Variants in PPP2CA observed in about 807,000 individuals in gnomAD.
The protein encoded by PPP2CA is protein phosphatase 2 catalytic subunit alpha, also known as serine/threonine-protein phosphatase 2A catalytic subunit alpha isoform.
In PPP2CA, 5 loss-of-function variants were observed where a neutral mutation model predicts 38.8. The ratio of observed to expected loss-of-function variants is 0.13; its 90% CI spans 0.07 to 0.27. PPP2CA has a LOEUF of 0.27. PPP2CA is among the 10% of genes least tolerant of loss of function. PPP2CA has a pLI of 1.00. For synonymous variants in PPP2CA, 152 were observed against 134.0 expected, an observed-to-expected ratio of 1.13 and a Z score of -0.93; for missense variants, 88 against 389.7, an observed-to-expected ratio of 0.23 and a Z score of 6.52.
intron 5 of PPP2CA, 143 bp downstream of exon 5, chr5:134,200,192 G>T: frequency 1.2e-6 from 1 of 852,832 alleles, no homozygotes; most frequent in Non-Finnish European, 1.7e-6. Flanking sequence ...TGCATCTACT[G>T]AAAAGGCTCA....
intron 1 of PPP2CA, among the ~76,000 whole-genome samples, chr5:134,218,273 G>A (rs1295062587): frequency 1.3e-5 from 2 of 152,112 alleles, no homozygotes; most frequent in Admixed American, 1.3e-4. Flanking sequence ...CTAAGGCTTA[G>A]GACCTAAATA....
At chr5:134,201,756 G>A in intron 3 of PPP2CA, 92 bp downstream of exon 3, 1 of 1,322,958 alleles carries the variant, frequency 7.6e-7, no homozygotes, top group Admixed American at 2.8e-5. Flanking sequence ...ATCCCCAAAG[G>A]GGTGTTAAGA....
Position 134,199,168 on chromosome 5 carries a change from T to C in PPP2CA, c.775A>G (p.Ile259Val). ...TAACAATAGTTTGGAGCACTGAAAATCGTTACTACATTCCGGTCATGGCAC... is the reference window on the plus strand; with the variant it reads ...TAACAATAGTTTGGAGCACTGAAAACCGTTACTACATTCCGGTCATGGCAC... ...NWCHDRNVVT[I>V]FSAPNYCYRC... Residue 259 changes from isoleucine (I) to valine (V), a missense_variant, in exon 6 of 7, where the codon ATT (isoleucine) becomes GTT (valine). Physicochemically the swap from Ile to Val is conservative, Grantham distance 29. Transcript: ENST00000481195. The C allele has an allele frequency of 1.2e-6, 2 of 1,614,004 alleles. No individual in the cohort carries two copies. Among genetic ancestry groups the C allele is most frequent in the Non-Finnish European group, 1.7e-6 (2 of 1,179,978 alleles).
At chr5:134,211,763 A>G (rs1762207201) in intron 1 of PPP2CA, among the ~76,000 whole-genome samples, 1 of 151,608 alleles carries the variant, frequency 6.6e-6, no homozygotes, top group Non-Finnish European at 1.5e-5. Flanking sequence ...GGCATAAGCC[A>G]CTGCGCCCAG....
chr5:134,212,413 C>T (rs760003982), intron 1 of PPP2CA, among the ~76,000 whole-genome samples: 18 of 152,314 alleles, frequency 1.2e-4, no homozygotes, highest in Middle Eastern at 6.8e-3. Context: ...CTGTGGGGCA[C>T]TACCAACCGT....
intron 3 of PPP2CA, 140 bp from the exon 4 acceptor site, chr5:134,201,214 C>T: frequency 1.6e-6 from 1 of 638,470 alleles, no homozygotes; most frequent in Non-Finnish European, 2.8e-6. Flanking sequence ...GAGTTTGAGA[C>T]CAACCTGAGC....
At chr5:134,220,456 CAAAAAAAA>C (rs10649430) in intron 1 of PPP2CA, among the ~76,000 whole-genome samples, 2 of 54,048 alleles carry the variant, frequency 3.7e-5, no homozygotes, top group African/African-American at 6.8e-5. Flanking sequence ...GACTCTATCT[CAAAAAAAA>C]AAAAAAAAAA....
chr5:134,220,705 C>T (rs182406693), intron 1 of PPP2CA, among the ~76,000 whole-genome samples: 10 of 152,200 alleles, frequency 6.6e-5, no homozygotes, highest in African/African-American at 2.4e-4. Flanking sequence ...GTTTTCCTAA[C>T]TTACCCCTTC....
rs1292135431 is a variant in PPP2CA, at chr5:134,225,769, G to A, written c.93C>T (p.Leu31=). 6.2e-6 allele frequency: 10 copies of A among 1,607,548 alleles called. No individual in the cohort carries two copies. Among genetic ancestry groups the A allele is most frequent in the African/African-American group, 1.4e-5 (1 of 74,050 alleles). The stretch of plus-strand genomic sequence containing the variant: ...CCGTACTACAGCTCACCTTCTCGCA[G>A]AGGCTCTTGACCTGGGACTCGGACA... ...KQLSESQVKS[L]CEKAKEILTK... Residue 31 remains leucine (L), a synonymous_variant, in exon 1 of 7, where the codon CTC becomes CTT. Transcript: ENST00000481195.
At chr5:134,213,726 T>C (rs1762257316) in intron 1 of PPP2CA, among the ~76,000 whole-genome samples, 2 of 150,476 alleles carry the variant, frequency 1.3e-5, no homozygotes. Flanking sequence ...AAGGTTCCAG[T>C]GAACTATGAT....
rs377522263 is a variant in PPP2CA at position 134,197,767 on chromosome 5, T to C, written c.*5A>G. ...ATGGCAATACTGTACAAGTTTAAAA[T>C]TTCATTACAGGAAGTAGTCTGGGGT... is the stretch of plus-strand genomic sequence containing the variant. On this transcript the variant is annotated 3_prime_UTR_variant, in exon 7 of 7. Transcript: ENST00000481195. 21 of 1,611,890 alleles carry C rather than the reference T, an allele frequency of 1.3e-5. No individual in the cohort carries two copies. Among genetic ancestry groups the C allele is most frequent in the Non-Finnish European group, 1.7e-5 (20 of 1,178,312 alleles).
rs1407396924 is a variant in PPP2CA at position 134,197,058 on chromosome 5, T to C, written c.*714A>G. The C allele has an allele frequency of 1.3e-5, 2 of 152,650 alleles. No homozygotes were observed. The highest frequency in any genetic ancestry group is 1.9e-4 in the East Asian group (1 of 5,202). 9.5% of individuals were successfully genotyped at this position (152,650 alleles called of 1,614,324 possible). ...ACTTTTTTAATAAACAGCACCAGTC[T>C]TGCCCATTGATACAATTAAAATTTG... is the stretch of plus-strand genomic sequence containing the variant. On this transcript the variant is annotated 3_prime_UTR_variant, in exon 7 of 7. Transcript: ENST00000481195.
intron 1 of PPP2CA, among the ~76,000 whole-genome samples, chr5:134,219,453 G>A (rs760166808): frequency 6.6e-6 from 1 of 151,954 alleles, no homozygotes; most frequent in South Asian, 2.1e-4. Context: ...TCTACTCCTC[G>A]TCCCCATCTA....
chr5:134,224,957 T>C (rs116353036), intron 1 of PPP2CA, among the ~76,000 whole-genome samples: 484 of 152,370 alleles, frequency 3.2e-3, no homozygotes, highest in African/African-American at 0.011. Context: ...TTTTATGTTG[T>C]TCATTTTAAA....
rs41298954 is a variant in PPP2CA, at chr5:134,201,828, T to C, written c.486+20A>G. ...GCAGATTCTCTGAAATAATCAGCAA[T>C]GAGTTTTAGATCCACATACCTGCCC... On this transcript the variant is annotated intron_variant, in intron 3 of 6. Transcript: ENST00000481195. 23,852 of 1,606,622 alleles carry C rather than the reference T, an allele frequency of 0.015. 224 individuals carry two copies. Among genetic ancestry groups the C allele is most frequent in the Non-Finnish European group, 0.018 (21,501 of 1,177,122 alleles).
intron 6 of PPP2CA, among the ~76,000 whole-genome samples, chr5:134,198,214 C>A (rs1328104457): frequency 6.6e-6 from 1 of 151,782 alleles, no homozygotes; most frequent in Non-Finnish European, 1.5e-5. Context: ...CACGGTGAAA[C>A]CCCATATCTA....
chr5:134,206,172 T>C (rs1209388563), intron 1 of PPP2CA, 41 bp from the exon 2 acceptor site: 1 of 1,508,142 alleles, frequency 6.6e-7, no homozygotes, highest in East Asian at 2.3e-5. Context: ...CATTTGGCAT[T>C]AAACAATATT....
chr5:134,212,231 T>C (rs990043956), intron 1 of PPP2CA, among the ~76,000 whole-genome samples: 9 of 152,260 alleles, frequency 5.9e-5, no homozygotes, highest in African/African-American at 1.9e-4. Flanking sequence ...CAAAGCTTCA[T>C]GGCAACCCTG....
At position 134,196,869 on chromosome 5, in the gene PPP2CA, C is replaced by T. The variant is rs1761862102; in HGVS notation, c.*903G>A. 1 of 152,674 alleles carries T rather than the reference C, an allele frequency of 6.5e-6. No homozygotes were observed. Among genetic ancestry groups the T allele is most frequent in the African/African-American group, 2.4e-5 (1 of 41,566 alleles). 9.5% of individuals were successfully genotyped at this position (152,674 alleles called of 1,614,324 possible). On this transcript the variant is annotated 3_prime_UTR_variant, in exon 7 of 7. Transcript: ENST00000481195. The stretch of plus-strand genomic sequence containing the variant: ...CAAGTTAATATGCAGGAAGAACCCA[C>T]AAAGTGCACACCAACAATGTGACAA...
Sources: gnomAD v4.1 joint callset for allele counts (sites outside exome capture counted in the v4.1 genomes callset) on GRCh38, gnomAD v4.1.1 for gene constraint, MANE v1.5 for transcripts, NCBI Gene and HGNC (gene_info 2026-07-23, HGNC 2026-07-21) for gene names.